Variants in DYM observed in about 807,000 individuals in gnomAD.
DYM encodes dyggve-Melchior-Clausen syndrome protein.
DYM carries 78 observed loss-of-function variants against 93.1 expected under a neutral mutation model. The observed-to-expected ratio is 0.84, with a 90% confidence interval of 0.70 to 1.01. The LOEUF is 1.01. Among genes scored for constraint, DYM ranks in the 50% least tolerant of loss-of-function variants. The pLI is 0.00. For synonymous variants in DYM, 321 were observed against 319.7 expected, an observed-to-expected ratio of 1.00 and a Z score of -0.04; for missense variants, 789 against 845.0, an observed-to-expected ratio of 0.93 and a Z score of 0.82.
chr18:49,406,488 G>A (rs915236283), intron 2 of DYM, among the ~76,000 whole-genome samples: 1 of 152,068 alleles, frequency 6.6e-6, no homozygotes, highest in African/African-American at 2.4e-5. Context: ...TTGAACCTGG[G>A]AGACAGAGGT....
At chr18:49,281,963 T>C in intron 10 of DYM, 34 bp downstream of exon 10, 1 of 1,598,326 alleles carries the variant, frequency 6.3e-7, no homozygotes, top group Non-Finnish European at 8.5e-7. Context: ...TAAAAAAAAA[T>C]ACAAACGCAT....
chr18:49,202,593 T>C (rs1452882740), intron 14 of DYM, among the ~76,000 whole-genome samples: 3 of 117,204 alleles, frequency 2.6e-5, no homozygotes, highest in Admixed American at 8.6e-5. Context: ...GTGAGGAGCG[T>C]CTCTGCCCGG....
chr18:49,454,037 C>T (rs1346973814), intron 1 of DYM, among the ~76,000 whole-genome samples: 2 of 152,196 alleles, frequency 1.3e-5, no homozygotes, highest in Admixed American at 6.5e-5. Context: ...CAGAATCAAA[C>T]TCCAAATGAT....
intron 13 of DYM, among the ~76,000 whole-genome samples, chr18:49,219,884 A>G (rs1600760546): frequency 7.1e-6 from 1 of 139,948 alleles, no homozygotes; most frequent in Non-Finnish European, 1.6e-5. Context: ...CCTATTCAAC[A>G]TAGTGTTGGA....
At chr18:49,308,308 A>T (rs1307497771) in intron 8 of DYM, among the ~76,000 whole-genome samples, 2 of 141,316 alleles carry the variant, frequency 1.4e-5, no homozygotes, top group South Asian at 4.6e-4. Context: ...ATATATATAT[A>T]TGTATATCTT....
intron 8 of DYM, among the ~76,000 whole-genome samples, chr18:49,328,728 A>G (rs552338633): frequency 6.6e-6 from 1 of 152,344 alleles, no homozygotes; most frequent in African/African-American, 2.4e-5. Context: ...CAAAACCACA[A>G]TGAGATACCA....
At chr18:49,320,364 GATA>G (rs751217299) in intron 8 of DYM, among the ~76,000 whole-genome samples, 3 of 152,086 alleles carry the variant, frequency 2.0e-5, no homozygotes, top group Admixed American at 6.6e-5. Context: ...CTGTATTTGT[GATA>G]ATATCTCTAT....
At chr18:49,120,262 A>G (rs2082271676) in intron 15 of DYM, among the ~76,000 whole-genome samples, 1 of 152,154 alleles carries the variant, frequency 6.6e-6, no homozygotes, top group African/African-American at 2.4e-5. Flanking sequence ...TTAATTGCAA[A>G]TAGTCCACAA....
chr18:49,102,000 G>C (rs1006435067), intron 16 of DYM, among the ~76,000 whole-genome samples: 2 of 152,178 alleles, frequency 1.3e-5, no homozygotes, highest in African/African-American at 2.4e-5. Flanking sequence ...TCTAGATGTA[G>C]CATGATGCAG....
rs76853440 is a variant in DYM at position 49,048,706 on chromosome 18, G to A, written c.2026-4502C>T. 3.9e-5 allele frequency among the ~76,000 whole-genome samples: 6 copies of A among 152,310 alleles called. No individual in the cohort carries two copies. The East Asian group carries it at 9.6e-4, about 24-fold the overall frequency. On this transcript the variant is annotated intron_variant, in intron 17 of 17. Transcript: ENST00000675505. The stretch of plus-strand genomic sequence containing the variant: ...TAGCAGTAAGTTTTCCTGCCCTCAT[G>A]GCTTTGGGGAAACTCTGATGACTAT...
intron 15 of DYM, among the ~76,000 whole-genome samples, chr18:49,145,232 C>T (rs926552893): frequency 1.3e-5 from 2 of 149,046 alleles, no homozygotes; most frequent in African/African-American, 2.5e-5. Context: ...TCACATTACA[C>T]CCGTCTTGAA....
chr18:49,360,495 G>A lies in DYM; in HGVS notation c.494+2666C>T, dbSNP rs940140469. Among the ~76,000 whole-genome samples, 17 of 151,940 alleles carry A rather than the reference G, an allele frequency of 1.1e-4. 1 individual carries two copies. The East Asian group carries it at 1.9e-3, about 17-fold the overall frequency. ...AAATTAGCCGGGTGTGGTGGCGCTC[G>A]TCTGTAATCCCAGCTACTCAGGAGG... On this transcript the variant is annotated intron_variant, in intron 6 of 17. Transcript: ENST00000675505.
intron 15 of DYM, among the ~76,000 whole-genome samples, chr18:49,137,949 C>T (rs1214029948): frequency 6.6e-6 from 1 of 152,136 alleles, no homozygotes; most frequent in African/African-American, 2.4e-5. Context: ...TCTAAAAACC[C>T]CTTGGTTTTA....
At chr18:49,104,251 C>T (rs1003979757) in intron 16 of DYM, among the ~76,000 whole-genome samples, 5 of 152,210 alleles carry the variant, frequency 3.3e-5, no homozygotes, top group South Asian at 2.1e-4. Flanking sequence ...GTGATTTTTG[C>T]ACATTGATTT....
In DYM at chr18:49,145,153, A is replaced by G. The variant is rs375753540; in HGVS notation, c.1728+18532T>C. 1.8e-4 allele frequency among the ~76,000 whole-genome samples: 17 copies of G among 97,052 alleles called. No homozygotes were observed. The South Asian group carries it at 5.2e-3, about 29-fold the overall frequency. The allele number at this position is 97,052 out of a possible 152,430, so 63.7% of individuals were successfully genotyped here. The stretch of plus-strand genomic sequence containing the variant: ...TATATATAATTTATATATATAATAT[A>G]CAAATATAGGTCCCCAATGGGAAAA... On this transcript the variant is annotated intron_variant, in intron 15 of 17. Transcript: ENST00000675505.
intron 15 of DYM, among the ~76,000 whole-genome samples, chr18:49,150,257 A>G (rs532671221): frequency 1.3e-5 from 2 of 152,336 alleles, no homozygotes; most frequent in Non-Finnish European, 2.9e-5. Context: ...AAGGCTCAGT[A>G]CTGTTTAGGC....
chr18:49,238,559 C>G (rs984888782), intron 13 of DYM, among the ~76,000 whole-genome samples: 2 of 151,986 alleles, frequency 1.3e-5, no homozygotes, highest in South Asian at 2.1e-4. Flanking sequence ...TAGCACAGAG[C>G]CTGGTGCACC....
intron 14 of DYM, among the ~76,000 whole-genome samples, chr18:49,191,076 G>C (rs1449691932): frequency 6.7e-6 from 1 of 149,410 alleles, no homozygotes; most frequent in Non-Finnish European, 1.5e-5. Context: ...TTGTGCTGGG[G>C]GGAGTGCAGG....
chr18:49,195,726 T>A (rs999521429), intron 14 of DYM, among the ~76,000 whole-genome samples: 5 of 152,178 alleles, frequency 3.3e-5, no homozygotes, highest in Non-Finnish European at 5.9e-5. Context: ...GGTTATCAGA[T>A]AATTTCAACA....
Sources: gnomAD v4.1 joint callset for allele counts (sites outside exome capture counted in the v4.1 genomes callset) on GRCh38, gnomAD v4.1.1 for gene constraint, MANE v1.5 for transcripts, NCBI Gene and HGNC (gene_info 2026-07-23, HGNC 2026-07-21) for gene names.